The following DBN1 variants were observed in gnomAD, a reference collection of about 807,000 sequenced individuals.
DBN1 encodes drebrin 1.
In DBN1, 21 loss-of-function variants were observed where a neutral mutation model predicts 83.5. That is an observed-to-expected ratio of 0.25 (90% CI 0.18 to 0.36). The LOEUF is 0.36. DBN1 is among the 10% of genes least tolerant of loss of function. The pLI, the probability that DBN1 is intolerant of heterozygous loss-of-function variation, is 1.00. For synonymous variants in DBN1, 381 were observed against 384.9 expected, an observed-to-expected ratio of 0.99 and a Z score of 0.12; for missense variants, 874 against 935.7, an observed-to-expected ratio of 0.93 and a Z score of 0.86.
rs335466 is a variant in DBN1 at position 177,462,529 on chromosome 5, C to G, written c.772-1826G>C. 17 of 436,104 alleles carry G rather than the reference C, an allele frequency of 3.9e-5. No homozygotes were observed. In the Admixed American group the frequency reaches 7.1e-4, roughly 18 times the overall value. The allele number at this position is 436,104 out of a possible 1,614,324, so 27.0% of individuals were successfully genotyped here. A position where few individuals can be genotyped will look rare whatever the true frequency, so the allele number is the denominator to read the frequency against. ...TTCCTGTTTCCGGAGGCACCTCCCC[C>G]CTCCGCTGTGAGCAACGCAGGATGA... On this transcript the variant is annotated intron_variant, in intron 8 of 14. Coordinates refer to ENST00000393565, the MANE Select transcript of DBN1 (RefSeq NM_001363541.2).
rs917280501 is a variant in DBN1 at position 177,467,141 on chromosome 5, A to G, written c.556-79T>C. 5.1e-5 allele frequency: 82 copies of G among 1,599,662 alleles called. No individual in the cohort carries two copies. The East Asian group carries it at 8.5e-4, about 17-fold the overall frequency. On this transcript the variant is annotated intron_variant, in intron 6 of 14. Coordinates refer to ENST00000393565, the MANE Select transcript of DBN1 (RefSeq NM_001363541.2). This position sits in a 1 kb window ranked among gnomAD's most constrained non-coding sequence, Gnocchi z 9.1. ...TGCCCCTCCAGCCCCTCCCTAACCC[A>G]GCGCTGGGGGCGGGGCACGTGGCAT...
At position 177,459,179 on chromosome 5, in the gene DBN1, C is replaced by T. The variant is rs763518397; in HGVS notation, c.1183G>A (p.Ala395Thr). 47 of 1,610,874 alleles carry T rather than the reference C, an allele frequency of 2.9e-5. No homozygotes were observed. The highest frequency in any genetic ancestry group is 8.4e-5 in the Admixed American group (5 of 59,340). ...SDSSTASTPV[A>T]EQIERALDEV... Reference sequence around the variant, plus strand: ...TCCAGGGCCCGCTCTATCTGCTCAGCGACAGGGGTGGAGGCGGTGCTGGAG... The same window carrying T: ...TCCAGGGCCCGCTCTATCTGCTCAGTGACAGGGGTGGAGGCGGTGCTGGAG... Residue 395 changes from alanine (A) to threonine (T), a missense_variant, in exon 12 of 15, where the codon GCT becomes ACT. This residue lies in a region of DBN1 where 725 missense variants were observed against 719.7 expected (regional missense o/e 1.01). Coordinates refer to ENST00000393565, the MANE Select transcript of DBN1 (RefSeq NM_001363541.2).
At chr5:177,461,471 C>T (rs1757040810) in intron 8 of DBN1, among the ~76,000 whole-genome samples, 1 of 152,150 alleles carries the variant, frequency 6.6e-6, no homozygotes, top group South Asian at 2.1e-4. Context: ...GGTACCTCTG[C>T]CCCGTCAAAC....
At position 177,468,904 on chromosome 5, in the gene DBN1, G is replaced by A. The variant is rs371433219; in HGVS notation, c.87-5C>T. 2 of 1,313,554 alleles carry A rather than the reference G, an allele frequency of 1.5e-6. No individual in the cohort carries two copies. Among genetic ancestry groups the A allele is most frequent in the Non-Finnish European group, 2.0e-6 (2 of 1,022,188 alleles). The allele number at this position is 1,313,554 out of a possible 1,614,324, so 81.4% of individuals were successfully genotyped here. ...TCTTCATATGTGTACAGAGCCCTGG[G>A]GAGAGGGAGGGGTGGCTGTCAAACT... is the stretch of plus-strand genomic sequence containing the variant. On this transcript the variant is annotated splice_region_variant and splice_polypyrimidine_tract_variant and intron_variant, in intron 1 of 14. Coordinates refer to ENST00000393565, the MANE Select transcript of DBN1 (RefSeq NM_001363541.2).
chr5:177,467,514 C>T lies in DBN1; in HGVS notation c.444G>A (p.Leu148=). 3.2e-6 allele frequency: 5 copies of T among 1,572,584 alleles called. No homozygotes were observed. The highest frequency in any genetic ancestry group is 3.5e-6 in the Non-Finnish European group (4 of 1,158,458). ...ARLSSPVLHR[L]RLREDENAEP... is the part of the protein sequence containing the mutation. ...CTGCGTTCTCATCCTCTCGCAGCCG[C>T]AGTCGGTGCAGCACAGGGCTGGAGA... is the stretch of plus-strand genomic sequence containing the variant. Residue 148 remains leucine (L), a synonymous_variant, in exon 5 of 15, where the codon CTG becomes CTA. Transcript: ENST00000393565. The surrounding 1 kb of genome is among the most constrained non-coding windows in gnomAD (Gnocchi z 9.1).
rs775759190 is a variant in DBN1 at position 177,459,750 on chromosome 5, GAGAC to G, written c.956-14_956-11del. 2.3e-5 allele frequency: 34 copies of G among 1,480,450 alleles called. No homozygotes were observed. Among genetic ancestry groups the G allele is most frequent in the Middle Eastern group, 1.8e-4 (1 of 5,542 alleles). The allele number at this position is 1,480,450 out of a possible 1,614,324, so 91.7% of individuals were successfully genotyped here. ...GGGCAGTACGGACGACCTGCCGAGA[GAGAC>G]AGACAGAGAAAGAGACAGAGGACAA... On this transcript the variant is annotated splice_polypyrimidine_tract_variant and intron_variant, in intron 10 of 14. Transcript: ENST00000393565.
Position 177,458,425 on chromosome 5 carries a change from G to A in DBN1, c.1547C>T (p.Pro516Leu), listed in dbSNP as rs914827303. ...TAGGTCAATGAGGCTGGTGGCGGCG[G>A]GGGGTACGTTGTTGGCAACAGTGGT... ...ADTTVANNVPPAATSLIDLWP... is the reference protein window; with the variant it reads ...ADTTVANNVPLAATSLIDLWP... The change falls in exon 13 of 15, where the codon CCC becomes CTC. Residue 516 changes from proline to leucine, a missense_variant. By Grantham distance (98) the Pro-to-Leu change is moderately conservative. Coordinates refer to ENST00000393565, the MANE Select transcript of DBN1 (RefSeq NM_001363541.2). 1.2e-6 allele frequency: 2 copies of A among 1,614,094 alleles called. No individual in the cohort carries two copies. Among genetic ancestry groups the A allele is most frequent in the African/African-American group, 1.3e-5 (1 of 74,948 alleles).
At chr5:177,472,283 A>G (rs554401383) in intron 1 of DBN1, 3 of 1,597,914 alleles carry the variant, frequency 1.9e-6, no homozygotes, top group Admixed American at 3.5e-5. Flanking sequence ...GGGTGAGGCC[A>G]GCCCAAGCGG....
intron 1 of DBN1, among the ~76,000 whole-genome samples, chr5:177,472,556 GA>G (rs1757928160): frequency 6.6e-6 from 1 of 152,138 alleles, no homozygotes; most frequent in African/African-American, 2.4e-5. Flanking sequence ...GGGGCGGGGT[GA>G]GGGGCGGCCC....
At chr5:177,464,481 T>C (rs1356699435) in intron 8 of DBN1, among the ~76,000 whole-genome samples, 2 of 143,192 alleles carry the variant, frequency 1.4e-5, no homozygotes, top group Non-Finnish European at 3.1e-5. Flanking sequence ...TAAACTTGGC[T>C]GGGTGAGGTG....
In DBN1 at chr5:177,467,412, G is replaced by A. The variant is rs1336375831; in HGVS notation, c.477+69C>T. On this transcript the variant is annotated intron_variant, in intron 5 of 14. Transcript: ENST00000393565. The surrounding 1 kb of genome is among the most constrained non-coding windows in gnomAD (Gnocchi z 9.1). ...CACCTAAAGGGTGAGAGCTAAGAGG[G>A]ACCGGGCAGGCCAGACTCGGGCACC... is the stretch of plus-strand genomic sequence containing the variant. 1.3e-5 allele frequency: 21 copies of A among 1,612,948 alleles called. No individual in the cohort carries two copies. The highest frequency in any genetic ancestry group is 3.3e-5 in the South Asian group (3 of 91,028).
In DBN1 at chr5:177,467,893, G is replaced by T; in HGVS notation, c.256-76C>A. 1 of 1,542,456 alleles carries T rather than the reference G, an allele frequency of 6.5e-7. No individual in the cohort carries two copies. Among genetic ancestry groups the T allele is most frequent in the South Asian group, 1.1e-5 (1 of 87,486 alleles). On this transcript the variant is annotated intron_variant, in intron 3 of 14. Transcript: ENST00000393565. The surrounding 1 kb of genome is among the most constrained non-coding windows in gnomAD (Gnocchi z 9.1). ...ACACGATAGGGTGCATCTTCCCCGG[G>T]GTGGGAAGAGGGTGGGCTTCCCTCT...
intron 8 of DBN1, among the ~76,000 whole-genome samples, chr5:177,464,863 C>T (rs1757314982): frequency 6.7e-6 from 1 of 149,822 alleles, no homozygotes; most frequent in Non-Finnish European, 1.5e-5. Context: ...TCACTTAAAC[C>T]TGGGAGGCAG....
chr5:177,467,102 A>C lies in DBN1; in HGVS notation c.556-40T>G. 1 of 1,612,494 alleles carries C rather than the reference A, an allele frequency of 6.2e-7. No homozygotes were observed. The highest frequency in any genetic ancestry group is 8.5e-7 in the Non-Finnish European group (1 of 1,179,608). On this transcript the variant is annotated intron_variant, in intron 6 of 14. Transcript: ENST00000393565. The surrounding 1 kb of genome is among the most constrained non-coding windows in gnomAD (Gnocchi z 9.1). The stretch of plus-strand genomic sequence containing the variant: ...GCGAACAAGGGTAGGCCCCGAGCCT[A>C]GGCGCCTGGACCCTGCCCCTCCAGC...
At position 177,466,999 on chromosome 5, in the gene DBN1, C is replaced by G; in HGVS notation, c.619G>C (p.Glu207Gln). 1 of 1,613,700 alleles carries G rather than the reference C, an allele frequency of 6.2e-7. No homozygotes were observed. The highest frequency in any genetic ancestry group is 8.5e-7 in the Non-Finnish European group (1 of 1,179,926). Residue 207 changes from glutamate (E) to glutamine (Q), a missense_variant, in exon 7 of 15, where the codon GAG (glutamate) becomes CAG (glutamine). Around this residue, in one of 4 missense-constraint regions of DBN1, gnomAD observed 725 missense variants for 719.7 expected, o/e 1.01. Transcript: ENST00000393565. This position sits in a 1 kb window ranked among gnomAD's most constrained non-coding sequence, Gnocchi z 4.8. ...KKALDERLRF[E>Q]QERMEQERQE... ...CGCTCCTGCTCCATCCGCTCCTGCT[C>G]GAACCTGAGCCTCTCATCCAGGGCC...
intron 1 of DBN1, among the ~76,000 whole-genome samples, chr5:177,469,970 G>A (rs1391259468): frequency 1.3e-5 from 2 of 152,224 alleles, no homozygotes; most frequent in African/African-American, 4.8e-5. Context: ...AAAGAGGAGG[G>A]GAGAAGCAGA....
chr5:177,468,558 G>A (rs1014622142), intron 2 of DBN1: 6 of 457,890 alleles, frequency 1.3e-5, no homozygotes, highest in East Asian at 6.3e-5. Flanking sequence ...TGGGGAAGGC[G>A]GTGAATAGGG....
At position 177,469,626 on chromosome 5, in the gene DBN1, TTC is replaced by T. The variant is rs375446964; in HGVS notation, c.87-729_87-728del. Reference sequence around the variant, plus strand: ...GCTTCCTGAGACTGCTGGCCTTTCCTTCTGTCTGAGCTCTAACAGAAAGCTGA... The same window carrying T: ...GCTTCCTGAGACTGCTGGCCTTTCCTTGTCTGAGCTCTAACAGAAAGCTGA... On this transcript the variant is annotated intron_variant, in intron 1 of 14. Coordinates refer to ENST00000393565, the MANE Select transcript of DBN1 (RefSeq NM_001363541.2). Among the ~76,000 whole-genome samples the T allele has an allele frequency of 1.2e-4, 18 of 152,344 alleles. No individual in the cohort carries two copies. In the East Asian group the frequency reaches 1.5e-3, roughly 13 times the overall value.
Position 177,457,521 on chromosome 5 carries a change from G to C in DBN1, c.2018-18C>G. On this transcript the variant is annotated intron_variant, in intron 14 of 14. Coordinates refer to ENST00000393565, the MANE Select transcript of DBN1 (RefSeq NM_001363541.2). ...GTCGATCTCTGTGGCGTTAGAAAGG[G>C]AGAGGAGTTAGGGACCTAGCAGACC... 6.2e-7 allele frequency: 1 copy of C among 1,613,232 alleles called. No individual in the cohort carries two copies. The highest frequency in any genetic ancestry group is 8.5e-7 in the Non-Finnish European group (1 of 1,179,138).
Sources: allele counts gnomAD v4.1 joint callset (sites outside exome capture counted in the v4.1 genomes callset), GRCh38; gene constraint gnomAD v4.1.1; regional missense constraint gnomAD v4.1.1; non-coding constraint Gnocchi (gnomAD v3.1); transcripts MANE v1.5; gene names NCBI Gene and HGNC (gene_info 2026-07-23, HGNC 2026-07-21).